CNBD1: variants seen among roughly 807,000 people sequenced by gnomAD.
CNBD1 encodes the protein cyclic nucleotide-binding domain-containing protein 1.
In CNBD1, 71 loss-of-function variants were observed where a neutral mutation model predicts 54.4. The observed-to-expected ratio is 1.30, with a 90% CI of 1.08 to 1.59. The LOEUF (loss-of-function observed/expected upper bound fraction) is 1.59. Ranked by LOEUF, CNBD1 falls within the 40% of genes most tolerant of loss-of-function variation. CNBD1 has a pLI of 0.00. For synonymous variants in CNBD1, 182 were observed against 170.7 expected (o/e 1.07, Z -0.51); for missense variants, 659 against 518.0 (o/e 1.27, Z -2.64).
chr8:87,181,327 A>T (rs1813306536), intron 4 of CNBD1, among the ~76,000 whole-genome samples: 1 of 152,226 alleles, frequency 6.6e-6, no homozygotes, highest in African/African-American at 2.4e-5. Context: ...CAATTGAGAT[A>T]GTATATAATA....
intron 8 of CNBD1, among the ~76,000 whole-genome samples, chr8:87,337,591 C>T (rs1322112300): frequency 1.3e-5 from 2 of 152,176 alleles, no homozygotes; most frequent in African/African-American, 4.8e-5. Flanking sequence ...GACCCAAGGC[C>T]CTGGTGACAT....
chr8:87,403,674 T>A (rs563862004), intron 2 of CNBD1, among the ~76,000 whole-genome samples: 3 of 152,058 alleles, frequency 2.0e-5, no homozygotes, highest in East Asian at 1.9e-4. Context: ...TTTAAAAAAA[T>A]TATTATTGTA....
chr8:87,013,407 C>A (rs1298083655), intron 4 of CNBD1, among the ~76,000 whole-genome samples: 1 of 152,102 alleles, frequency 6.6e-6, no homozygotes, highest in Non-Finnish European at 1.5e-5. Context: ...AGGTTTATGG[C>A]ACCTCCACTT....
chr8:87,418,506 A>G (rs954321988), intron 2 of CNBD1, among the ~76,000 whole-genome samples: 1 of 151,968 alleles, frequency 6.6e-6, no homozygotes, highest in African/African-American at 2.4e-5. Flanking sequence ...AAGACTAGAT[A>G]AACTGGACTT....
Position 86,894,929 on chromosome 8 carries a change from C to G in CNBD1, c.158+7318C>G, listed in dbSNP as rs1044991332. Among the ~76,000 whole-genome samples, 4 of 152,078 alleles carry G rather than the reference C, an allele frequency of 2.6e-5. No individual in the cohort carries two copies. In the South Asian group the frequency reaches 6.2e-4, roughly 24 times the overall value. ...CTGGGAAGTCAAAGGGCATGAGACT[C>G]GCATCTGGCAAGGGTGATCTAATGG... On this transcript the variant is annotated intron_variant, in intron 2 of 10. Coordinates refer to ENST00000518476, the MANE Select transcript of CNBD1 (RefSeq NM_173538.3).
intron 6 of CNBD1, among the ~76,000 whole-genome samples, chr8:87,238,659 ATCTC>A (rs923530251): frequency 6.6e-6 from 1 of 151,888 alleles, no homozygotes; most frequent in African/African-American, 2.4e-5. Flanking sequence ...GTGCATATCT[ATCTC>A]TCTATCATGT....
chr8:87,406,264 G>T (rs1463703241), intron 2 of CNBD1, among the ~76,000 whole-genome samples: 1 of 151,918 alleles, frequency 6.6e-6, no homozygotes, highest in African/African-American at 2.4e-5. Flanking sequence ...TCTGTAGTAT[G>T]ATATTATTTT....
chr8:87,325,784 G>A (rs1167395704), intron 8 of CNBD1, among the ~76,000 whole-genome samples: 1 of 148,956 alleles, frequency 6.7e-6, no homozygotes, highest in African/African-American at 2.5e-5. Flanking sequence ...CTTTTAATTG[G>A]AGCATTTAGT....
intron 4 of CNBD1, among the ~76,000 whole-genome samples, chr8:87,012,783 T>G (rs991827745): frequency 6.6e-6 from 1 of 152,196 alleles, no homozygotes; most frequent in Non-Finnish European, 1.5e-5. Context: ...AATGTTCAAA[T>G]TTACCTATAG....
chr8:87,147,428 TA>T (rs1812512899), intron 4 of CNBD1, among the ~76,000 whole-genome samples: 2 of 152,046 alleles, frequency 1.3e-5, no homozygotes, highest in African/African-American at 4.8e-5. Flanking sequence ...ATTAATACTT[TA>T]TTTTTTTTTT....
chr8:87,077,659 C>T (rs920218382), intron 4 of CNBD1, among the ~76,000 whole-genome samples: 2 of 149,154 alleles, frequency 1.3e-5, no homozygotes, highest in African/African-American at 4.9e-5. Context: ...TGAGTGAGAA[C>T]ATGTGGCGTT....
intron 4 of CNBD1, among the ~76,000 whole-genome samples, chr8:86,986,474 C>T (rs1390087748): frequency 2.0e-5 from 3 of 152,060 alleles, no homozygotes; most frequent in Non-Finnish European, 2.9e-5. Context: ...TCTGTTTACT[C>T]TTTTAGTAGT....
chr8:87,157,487 G>A (rs1390227472), intron 4 of CNBD1, among the ~76,000 whole-genome samples: 1 of 152,174 alleles, frequency 6.6e-6, no homozygotes. Flanking sequence ...TGACTGTCCT[G>A]TTACTTGGAG....
At chr8:87,417,678 T>A (rs1009438714) in intron 2 of CNBD1, among the ~76,000 whole-genome samples, 7 of 151,938 alleles carry the variant, frequency 4.6e-5, no homozygotes, top group East Asian at 3.9e-4. Flanking sequence ...AAAAATCAAT[T>A]GTATTTCTAT....
intron 4 of CNBD1, among the ~76,000 whole-genome samples, chr8:87,158,086 G>A (rs1245730618): frequency 6.6e-6 from 1 of 152,040 alleles, no homozygotes; most frequent in African/African-American, 2.4e-5. Context: ...GAGTTATTGT[G>A]TACAAAGTGC....
At chr8:86,936,467 A>G (rs1809549691) in intron 3 of CNBD1, among the ~76,000 whole-genome samples, 1 of 152,212 alleles carries the variant, frequency 6.6e-6, no homozygotes, top group Admixed American at 6.5e-5. Flanking sequence ...GAGGCCAGGC[A>G]TGGTGGCTAA....
At chr8:87,335,224 T>G (rs1809919973) in intron 8 of CNBD1, among the ~76,000 whole-genome samples, 1 of 152,184 alleles carries the variant, frequency 6.6e-6, no homozygotes, top group Admixed American at 6.5e-5. Context: ...TTAGGTCCAC[T>G]TGATACAGAG....
At chr8:86,980,260 A>G (rs1398140928) in intron 4 of CNBD1, among the ~76,000 whole-genome samples, 26 of 152,274 alleles carry the variant, frequency 1.7e-4, no homozygotes, top group Admixed American at 1.7e-3. Context: ...GACTGGGAGA[A>G]GTATTGCTTG....
chr8:87,349,038 C>A (rs1183941574), intron 8 of CNBD1, among the ~76,000 whole-genome samples: 1 of 152,110 alleles, frequency 6.6e-6, no homozygotes, highest in Admixed American at 6.6e-5. Context: ...CTTTTAACTA[C>A]AAGTTCCACT....
Sources: gnomAD v4.1 joint callset for allele counts (sites outside exome capture counted in the v4.1 genomes callset) on GRCh38, gnomAD v4.1.1 for gene constraint, MANE v1.5 for transcripts, NCBI Gene and HGNC (gene_info 2026-07-23, HGNC 2026-07-21) for gene names.